The following NFU1 variants were observed in gnomAD, a reference collection of about 807,000 sequenced individuals.
The protein encoded by NFU1 is NFU1 iron-sulfur cluster scaffold, also known as NFU1 iron-sulfur cluster scaffold homolog, mitochondrial.
NFU1 carries 30 observed loss-of-function variants against 32.2 expected under a neutral mutation model. The observed-to-expected ratio is 0.93, with a 90% confidence interval of 0.70 to 1.26. The LOEUF (loss-of-function observed/expected upper bound fraction) is 1.26. Ranked by LOEUF, NFU1 falls within the 50% of genes most tolerant of loss-of-function variation. NFU1 has a pLI of 0.00. For missense variants in NFU1, 306 were observed against 306.6 expected (o/e 1.00, Z 0.02); for synonymous variants, 112 against 104.6 (o/e 1.07, Z -0.43).
chr2:69,397,759 TA>T, intron 7 of NFU1, among the ~76,000 whole-genome samples: 1 of 151,218 alleles, frequency 6.6e-6, no homozygotes, highest in East Asian at 1.9e-4. Context: ...ACTAAAAATA[TA>T]AAAATTAGCC....
intron 2 of NFU1, among the ~76,000 whole-genome samples, chr2:69,428,161 T>A (rs1673527354): frequency 6.6e-6 from 1 of 152,080 alleles, no homozygotes; most frequent in South Asian, 2.1e-4. Context: ...CAGTGGGTTA[T>A]GCCTATAATC....
chr2:69,400,957 AT>A (rs950767558), intron 6 of NFU1, among the ~76,000 whole-genome samples: 1 of 151,850 alleles, frequency 6.6e-6, no homozygotes, highest in African/African-American at 2.4e-5. Context: ...CTCTAAAGAA[AT>A]TTTTTTTAAA....
chr2:69,397,611 T>TC (rs1299067646), intron 7 of NFU1, among the ~76,000 whole-genome samples: 1 of 83,224 alleles, frequency 1.2e-5, no homozygotes, highest in Non-Finnish European at 2.2e-5. Flanking sequence ...AGTAAGGTTT[T>TC]TTTTTTTAAA....
At chr2:69,406,153 A>G in intron 5 of NFU1, 71 bp from the exon 6 acceptor site, 1 of 883,802 alleles carries the variant, frequency 1.1e-6, no homozygotes, top group East Asian at 2.4e-5. Flanking sequence ...GTATTAAAAC[A>G]GAATGATTTT....
intron 6 of NFU1, among the ~76,000 whole-genome samples, chr2:69,403,481 C>T (rs1362341366): frequency 6.6e-6 from 1 of 151,950 alleles, no homozygotes; most frequent in Non-Finnish European, 1.5e-5. Context: ...GCCTCAATCT[C>T]CCGGGCTCAA....
At chr2:69,433,002 T>G (rs1014110443) in intron 1 of NFU1, among the ~76,000 whole-genome samples, 1 of 151,082 alleles carries the variant, frequency 6.6e-6, no homozygotes, top group African/African-American at 2.4e-5. Flanking sequence ...ATACAAAAAA[T>G]AGCTGGGAGT....
At chr2:69,416,932 A>C (rs1673075981) in intron 4 of NFU1, among the ~76,000 whole-genome samples, 1 of 152,148 alleles carries the variant, frequency 6.6e-6, no homozygotes, top group Admixed American at 6.6e-5. Flanking sequence ...TAGAGATAGT[A>C]CATAAAAGGT....
At chr2:69,432,113 C>A (rs986626605) in intron 1 of NFU1, 108 bp from the exon 2 acceptor site, 2 of 717,124 alleles carry the variant, frequency 2.8e-6, no homozygotes, top group Admixed American at 2.3e-5. Context: ...TAAACATAAC[C>A]CGCAATAGAA....
chr2:69,430,902 A>C (rs1006350226), intron 2 of NFU1, among the ~76,000 whole-genome samples: 4 of 152,210 alleles, frequency 2.6e-5, no homozygotes, highest in African/African-American at 9.6e-5. Flanking sequence ...AGCAATGGAA[A>C]GGAGAGGCTG....
chr2:69,396,059 G>A (rs1299990413), downstream of NFU1: 8 of 543,240 alleles, frequency 1.5e-5, no homozygotes, highest in Non-Finnish European at 2.6e-5. Flanking sequence ...AAATCCACGT[G>A]TACAGAAGAT....
chr2:69,413,865 G>A (rs1385389182), intron 5 of NFU1, among the ~76,000 whole-genome samples: 2 of 152,020 alleles, frequency 1.3e-5, no homozygotes, highest in African/African-American at 4.8e-5. Flanking sequence ...TGGCCAACAT[G>A]GTTAAACTCT....
chr2:69,400,656 C>A (rs191140275), intron 6 of NFU1, 118 bp from the exon 7 acceptor site: 1 of 846,786 alleles, frequency 1.2e-6, no homozygotes, highest in East Asian at 2.6e-5. Context: ...GTTAGAGCTA[C>A]TTTTATAATA....
chr2:69,422,774 C>T (rs1478755281), intron 3 of NFU1, among the ~76,000 whole-genome samples: 1 of 152,098 alleles, frequency 6.6e-6, no homozygotes, highest in African/African-American at 2.4e-5. Flanking sequence ...ATGGCACAAT[C>T]ATGGCATCAC....
At chr2:69,437,485 C>G (rs1193629110), upstream of NFU1, 2 of 1,572,482 alleles carry the variant, frequency 1.3e-6, no homozygotes, top group Non-Finnish European at 1.7e-6. Flanking sequence ...CAGCCGCAGG[C>G]TGGCCGGTAG....
chr2:69,412,206 A>G (rs1403604291), intron 5 of NFU1, among the ~76,000 whole-genome samples: 1 of 151,676 alleles, frequency 6.6e-6, no homozygotes. Flanking sequence ...ACGTGCCACC[A>G]TGCCCAGCTG....
At chr2:69,421,660 C>T (rs533916591) in intron 3 of NFU1, among the ~76,000 whole-genome samples, 141 of 150,992 alleles carry the variant, frequency 9.3e-4, no homozygotes, top group African/African-American at 3.3e-3. Flanking sequence ...CTCTGCCTCC[C>T]GGGTTCATGC....
At chr2:69,432,118 A>G (rs1239577725) in intron 1 of NFU1, 113 bp from the exon 2 acceptor site, 19 of 702,382 alleles carry the variant, frequency 2.7e-5, no homozygotes, top group Middle Eastern at 3.6e-4. Flanking sequence ...ATAACCCGCA[A>G]TAGAAATAAT....
intron 1 of NFU1, among the ~76,000 whole-genome samples, chr2:69,436,706 T>C (rs1226553643): frequency 6.6e-6 from 1 of 152,114 alleles, no homozygotes; most frequent in Non-Finnish European, 1.5e-5. Context: ...TCTCCAGACG[T>C]AAAATTAAGG....
chr2:69,397,045 A>G (rs6739412), intron 7 of NFU1, among the ~76,000 whole-genome samples: 98,821 of 150,806 alleles, frequency 0.66, 33,711 homozygotes, highest in African/African-American at 0.86. Context: ...AGAGCACTCC[A>G]GCTTGGTGAT....
Sources: gnomAD v4.1 joint callset for allele counts (sites outside exome capture counted in the v4.1 genomes callset) on GRCh38, gnomAD v4.1.1 for gene constraint, MANE v1.5 for transcripts, NCBI Gene and HGNC (gene_info 2026-07-23, HGNC 2026-07-21) for gene names.